The following PTPRD variants were observed in gnomAD, a reference collection of about 807,000 sequenced individuals.
PTPRD encodes the protein receptor-type tyrosine-protein phosphatase delta.
Under a neutral mutation model 214.5 loss-of-function variants are expected in PTPRD, and 34 were observed. That is an observed-to-expected ratio of 0.16 (90% CI 0.12 to 0.21). The LOEUF (loss-of-function observed/expected upper bound fraction) is 0.21. Among genes scored for constraint, PTPRD ranks in the 10% least tolerant of loss-of-function variants. PTPRD has a pLI of 1.00. For synonymous variants in PTPRD, 1,128 were observed against 845.7 expected, an observed-to-expected ratio of 1.33 and a Z score of -5.79; for missense variants, 2,545 against 2,398.7, an observed-to-expected ratio of 1.06 and a Z score of -1.27.
At chr9:9,387,458 CTTTT>C (rs1049220933) in intron 9 of PTPRD, among the ~76,000 whole-genome samples, 27 of 152,008 alleles carry the variant, frequency 1.8e-4, no homozygotes, top group African/African-American at 6.3e-4. Flanking sequence ...AGAGTACAGA[CTTTT>C]TTCTTTTTAA....
chr9:9,221,726 A>G (rs1265915052), intron 9 of PTPRD, among the ~76,000 whole-genome samples: 1 of 152,064 alleles, frequency 6.6e-6, no homozygotes, highest in East Asian at 1.9e-4. Flanking sequence ...TTGGGGTTCT[A>G]GCATATACAC....
At chr9:10,059,626 T>A (rs984512261) in intron 3 of PTPRD, among the ~76,000 whole-genome samples, 3 of 152,112 alleles carry the variant, frequency 2.0e-5, no homozygotes, top group Admixed American at 6.6e-5. Flanking sequence ...TGTCTTTTAT[T>A]ATTTTCTCTA....
At chr9:10,342,164 T>C (rs2096953369) in intron 2 of PTPRD, among the ~76,000 whole-genome samples, 1 of 152,020 alleles carries the variant, frequency 6.6e-6, no homozygotes, top group South Asian at 2.1e-4. Flanking sequence ...TCACTTTCAT[T>C]TCACTGGAAG....
intron 2 of PTPRD, among the ~76,000 whole-genome samples, chr9:10,532,623 T>TTA (rs1043084735): frequency 1.0e-4 from 15 of 147,690 alleles, no homozygotes; most frequent in Non-Finnish European, 4.5e-5. Context: ...TATTAGATAT[T>TTA]TATATATATT....
At chr9:10,374,596 A>T (rs2097692303) in intron 2 of PTPRD, among the ~76,000 whole-genome samples, 1 of 152,032 alleles carries the variant, frequency 6.6e-6, no homozygotes. Context: ...ATTGAATTGG[A>T]GAACCTAATC....
rs80090464 is a variant in PTPRD at position 8,493,959 on chromosome 9, C to T, written c.2350-980G>A. Among the ~76,000 whole-genome samples, 1,180 of 151,586 alleles carry T rather than the reference C, an allele frequency of 7.8e-3. 13 individuals are homozygous for T. Among genetic ancestry groups the T allele is most frequent in the African/African-American group, 0.027 (1,117 of 41,284 alleles). On this transcript the variant is annotated intron_variant, in intron 26 of 45. Coordinates refer to ENST00000381196, the MANE Select transcript of PTPRD (RefSeq NM_002839.4). ...TACCAGAGCTGCATGTACACATGCG[C>T]GCGTACACAGACACATGCGCACACA...
In PTPRD at chr9:8,413,370, G is replaced by C. The variant is rs537513956; in HGVS notation, c.4087-8710C>G. Among the ~76,000 whole-genome samples, 7 of 152,218 alleles carry C rather than the reference G, an allele frequency of 4.6e-5. No homozygotes were observed. The South Asian group carries it at 1.5e-3, about 32-fold the overall frequency. On this transcript the variant is annotated intron_variant, in intron 35 of 45. Transcript: ENST00000381196. Reference sequence around the variant, plus strand: ...CAATGCATTTCAAATCTCATTTTCTGATTCAGAAAGAGATAAAAATTCTAC... The same window carrying C: ...CAATGCATTTCAAATCTCATTTTCTCATTCAGAAAGAGATAAAAATTCTAC...
At chr9:9,361,941 T>C (rs1299770234) in intron 9 of PTPRD, among the ~76,000 whole-genome samples, 2 of 151,118 alleles carry the variant, frequency 1.3e-5, no homozygotes, top group Non-Finnish European at 3.0e-5. Context: ...TTTTCTCATA[T>C]ATGTTGGATA....
intron 5 of PTPRD, among the ~76,000 whole-genome samples, chr9:9,928,722 C>G (rs990145243): frequency 6.7e-6 from 1 of 148,648 alleles, no homozygotes; most frequent in African/African-American, 2.6e-5. Context: ...AACTTAATTT[C>G]ACACCTAATA....
chr9:9,533,681 T>G (rs1252706755), intron 8 of PTPRD, among the ~76,000 whole-genome samples: 1 of 152,098 alleles, frequency 6.6e-6, no homozygotes, highest in Non-Finnish European at 1.5e-5. Context: ...TTCACTTATT[T>G]GTTCTTATAA....
intron 33 of PTPRD, among the ~76,000 whole-genome samples, chr9:8,456,860 G>C (rs1198543948): frequency 2.6e-5 from 4 of 152,138 alleles, no homozygotes; most frequent in African/African-American, 9.7e-5. Context: ...CACTTTCTTT[G>C]ATTCCATAGT....
chr9:9,333,504 T>TTATATATA (rs3048057), intron 9 of PTPRD, among the ~76,000 whole-genome samples: 16 of 137,244 alleles, frequency 1.2e-4, no homozygotes, highest in Admixed American at 7.3e-4. Flanking sequence ...ATATAGTATA[T>TTATATATA]TATATATATA....
intron 11 of PTPRD, among the ~76,000 whole-genome samples, chr9:8,761,561 G>A (rs185131264): frequency 1.1e-3 from 168 of 152,226 alleles, no homozygotes; most frequent in African/African-American, 3.7e-3. Flanking sequence ...CACAGAAAGC[G>A]GAGCTGCAAA....
chr9:10,563,732 TG>T (rs2064731358), intron 2 of PTPRD, among the ~76,000 whole-genome samples: 1 of 152,054 alleles, frequency 6.6e-6, no homozygotes, highest in Non-Finnish European at 1.5e-5. Context: ...CGTGTCTAAA[TG>T]GTTGTATAAA....
chr9:10,382,240 A>C (rs1015336127), intron 2 of PTPRD, among the ~76,000 whole-genome samples: 4 of 151,986 alleles, frequency 2.6e-5, no homozygotes, highest in African/African-American at 9.7e-5. Flanking sequence ...CAGATTTCTA[A>C]TATAGGCATT....
At chr9:8,319,078 G>A (rs965220687) in intron 45 of PTPRD, among the ~76,000 whole-genome samples, 2 of 152,066 alleles carry the variant, frequency 1.3e-5, no homozygotes, top group Non-Finnish European at 2.9e-5. Context: ...GACCCATTAA[G>A]TTTGTCAAGC....
In PTPRD at chr9:9,534,371, T is replaced by C. The variant is rs141850863; in HGVS notation, c.-237+40361A>G. On this transcript the variant is annotated intron_variant, in intron 8 of 45. Coordinates refer to ENST00000381196, the MANE Select transcript of PTPRD (RefSeq NM_002839.4). ...ATTACCTCCATGGCAGCATTTCTCA[T>C]TTGGCTTTGTTTAGAGAGGTAAAAT... Among the ~76,000 whole-genome samples, 4 of 152,070 alleles carry C rather than the reference T, an allele frequency of 2.6e-5. No homozygotes were observed. In the East Asian group the frequency reaches 5.8e-4, roughly 22 times the overall value.
Position 9,009,268 on chromosome 9 carries a change from T to C in PTPRD, c.-104+9429A>G, listed in dbSNP as rs537237334. On this transcript the variant is annotated intron_variant, in intron 11 of 45. Coordinates refer to ENST00000381196, the MANE Select transcript of PTPRD (RefSeq NM_002839.4). ...TATGATATGCTTAAGGAGAGAGAAATTGAGAATTAATAAAAGTTGACTAGT... is the reference window on the plus strand; with the variant it reads ...TATGATATGCTTAAGGAGAGAGAAACTGAGAATTAATAAAAGTTGACTAGT... Among the ~76,000 whole-genome samples the C allele has an allele frequency of 2.6e-5, 4 of 152,114 alleles. No individual in the cohort carries two copies. The East Asian group carries it at 7.7e-4, about 29-fold the overall frequency.
At chr9:9,520,216 A>G (rs1465997044) in intron 8 of PTPRD, among the ~76,000 whole-genome samples, 1 of 149,966 alleles carries the variant, frequency 6.7e-6, no homozygotes, top group Non-Finnish European at 1.5e-5. Context: ...TCTCTGCCCC[A>G]GAGCACATAA....
Sources: allele counts gnomAD v4.1 joint callset (sites outside exome capture counted in the v4.1 genomes callset), GRCh38; gene constraint gnomAD v4.1.1; transcripts MANE v1.5; gene names NCBI Gene and HGNC (gene_info 2026-07-23, HGNC 2026-07-21).